Variants in KAT2B observed in about 807,000 individuals in gnomAD.
KAT2B encodes the protein histone acetyltransferase KAT2B.
In KAT2B, 36 loss-of-function variants were observed where a neutral mutation model predicts 105.9. The observed-to-expected ratio is 0.34, with a 90% CI of 0.26 to 0.45. The LOEUF is 0.45. Ranked by LOEUF, KAT2B falls within the 20% of genes least tolerant of loss-of-function variation. The pLI is 1.00. For missense variants in KAT2B, 820 were observed against 1,021.6 expected, an observed-to-expected ratio of 0.80 and a Z score of 2.69; for synonymous variants, 397 against 377.9, an observed-to-expected ratio of 1.05 and a Z score of -0.59.
At chr3:20,042,049 G>C (rs1697728785) in intron 1 of KAT2B, among the ~76,000 whole-genome samples, 1 of 152,152 alleles carries the variant, frequency 6.6e-6, no homozygotes, top group African/African-American at 2.4e-5. Context: ...ATCTAGCCCA[G>C]TGCTCCTCAA....
intron 1 of KAT2B, among the ~76,000 whole-genome samples, chr3:20,063,534 C>CTTTTTTTTTTTTTT (rs36058009): frequency 1.1e-5 from 1 of 88,822 alleles, no homozygotes; most frequent in Non-Finnish European, 2.2e-5. Flanking sequence ...GAGTAGGCCT[C>CTTTTTTTTTTTTTT]TTTTTTTTTT....
chr3:20,086,514 T>A (rs1161571256), intron 2 of KAT2B, among the ~76,000 whole-genome samples: 1 of 152,070 alleles, frequency 6.6e-6, no homozygotes, highest in Non-Finnish European at 1.5e-5. Flanking sequence ...GGTCAGAGGA[T>A]CGCTTAAGCT....
Position 20,153,876 on chromosome 3 carries a change from T to C in KAT2B, c.*1351T>C, listed in dbSNP as rs1358442614. On this transcript the variant is annotated 3_prime_UTR_variant, in exon 18 of 18. Coordinates refer to ENST00000263754, the MANE Select transcript of KAT2B (RefSeq NM_003884.5). ...TAAATAAAATGGTCATGAATAGTCATTAAAAACAGTTGCCAGTGATAATCT... is the reference window on the plus strand; with the variant it reads ...TAAATAAAATGGTCATGAATAGTCACTAAAAACAGTTGCCAGTGATAATCT... 6.6e-6 allele frequency: 1 copy of C among 152,432 alleles called. No homozygotes were observed. Among genetic ancestry groups the C allele is most frequent in the African/African-American group, 2.4e-5 (1 of 41,460 alleles). The allele number at this position is 152,432 out of a possible 1,614,324, so 9.4% of individuals were successfully genotyped here.
intron 1 of KAT2B, among the ~76,000 whole-genome samples, chr3:20,060,060 C>T (rs1175238376): frequency 3.3e-5 from 5 of 152,222 alleles, no homozygotes; most frequent in Admixed American, 1.3e-4. Flanking sequence ...CATATGTCAG[C>T]ACTTCTTTAT....
At chr3:20,144,370 GCTCTGC>G (rs1412795400) in intron 13 of KAT2B, among the ~76,000 whole-genome samples, 1 of 138,330 alleles carries the variant, frequency 7.2e-6, no homozygotes, top group Non-Finnish European at 1.5e-5. Flanking sequence ...CTCACTGCAA[GCTCTGC>G]CTCCTGGGTT....
chr3:20,126,171 G>A, intron 10 of KAT2B, 58 bp downstream of exon 10: 2 of 1,412,100 alleles, frequency 1.4e-6, no homozygotes, highest in Non-Finnish European at 2.0e-6. Flanking sequence ...AAGAGGAACT[G>A]CTTAGATAGT....
chr3:20,128,351 T>A (rs571495040), intron 11 of KAT2B, among the ~76,000 whole-genome samples: 127 of 152,296 alleles, frequency 8.3e-4, no homozygotes, highest in African/African-American at 3.0e-3. Flanking sequence ...TATGACCTTG[T>A]CCCTAAGGGA....
intron 7 of KAT2B, among the ~76,000 whole-genome samples, chr3:20,117,475 C>T (rs968018542): frequency 6.6e-6 from 1 of 152,176 alleles, no homozygotes; most frequent in African/African-American, 2.4e-5. Flanking sequence ...ATCACCAGAG[C>T]TTTCTCTTTG....
intron 1 of KAT2B, among the ~76,000 whole-genome samples, chr3:20,054,455 T>C (rs139679499): frequency 1.3e-5 from 2 of 152,294 alleles, no homozygotes; most frequent in East Asian, 3.9e-4. Flanking sequence ...GTGTGAATAA[T>C]GTCTCTAATG....
intron 11 of KAT2B, among the ~76,000 whole-genome samples, chr3:20,127,887 A>G (rs949172451): frequency 1.3e-5 from 2 of 152,214 alleles, no homozygotes; most frequent in Non-Finnish European, 2.9e-5. Flanking sequence ...TTGCACTCCT[A>G]TGAGAGTCTA....
rs1364048847 is a variant in KAT2B, at chr3:20,072,195, C to T, written c.304-138C>T. The T allele has an allele frequency of 4.7e-6, 4 of 843,232 alleles. No homozygotes were observed. The African/African-American group carries it at 5.1e-5, about 11-fold the overall frequency. The allele number at this position is 843,232 out of a possible 1,614,324, so 52.2% of individuals were successfully genotyped here. A position where few individuals can be genotyped will look rare whatever the true frequency, so the allele number is the denominator to read the frequency against. On this transcript the variant is annotated intron_variant, in intron 1 of 17. Transcript: ENST00000263754. ...CCACCTTTGGGTTTTCTGTTTTTCT[C>T]TTGTGTATATGGCAGACGACAAAGT... is the stretch of plus-strand genomic sequence containing the variant.
At chr3:20,100,391 G>A (rs866829956) in intron 4 of KAT2B, among the ~76,000 whole-genome samples, 3 of 152,162 alleles carry the variant, frequency 2.0e-5, no homozygotes, top group African/African-American at 4.8e-5. Flanking sequence ...ATGAGATTTT[G>A]TACCCAGAAA....
At chr3:20,135,504 A>C (rs1699585359) in intron 11 of KAT2B, among the ~76,000 whole-genome samples, 1 of 152,124 alleles carries the variant, frequency 6.6e-6, no homozygotes, top group Admixed American at 6.6e-5. Context: ...AATACAAAAA[A>C]TTAGCCAGGT....
At chr3:20,052,537 A>G (rs1697932732) in intron 1 of KAT2B, among the ~76,000 whole-genome samples, 2 of 152,150 alleles carry the variant, frequency 1.3e-5, no homozygotes, top group African/African-American at 4.8e-5. Context: ...AGATTGGTGG[A>G]AAGGAAACTG....
At chr3:20,086,376 A>G (rs1240923262) in intron 2 of KAT2B, among the ~76,000 whole-genome samples, 2 of 152,170 alleles carry the variant, frequency 1.3e-5, no homozygotes, top group African/African-American at 4.8e-5. Context: ...AGACGGGAGG[A>G]TCACTTGAGC....
intron 5 of KAT2B, among the ~76,000 whole-genome samples, chr3:20,102,706 A>G (rs1018242827): frequency 6.6e-6 from 1 of 152,210 alleles, no homozygotes; most frequent in African/African-American, 2.4e-5. Context: ...ACCTACATTT[A>G]TTTTCATCTG....
chr3:20,111,226 G>A (rs1231406034), intron 5 of KAT2B, among the ~76,000 whole-genome samples: 3 of 152,172 alleles, frequency 2.0e-5, no homozygotes, highest in Admixed American at 6.6e-5. Flanking sequence ...ACCCAATGAA[G>A]TAGGTATTAT....
chr3:20,118,073 A>G (rs146498981), intron 7 of KAT2B, among the ~76,000 whole-genome samples: 1 of 150,778 alleles, frequency 6.6e-6, no homozygotes, highest in African/African-American at 2.4e-5. Context: ...CCCTTTCTCT[A>G]TCCCTTCTTT....
chr3:20,127,572 A>C (rs1364855095), intron 11 of KAT2B, 23 bp downstream of exon 11: 2 of 1,610,052 alleles, frequency 1.2e-6, no homozygotes, highest in Non-Finnish European at 1.7e-6. Flanking sequence ...CCAAGGTCTT[A>C]GAAGAAGAGC....
Sources: allele counts gnomAD v4.1 joint callset (sites outside exome capture counted in the v4.1 genomes callset), GRCh38; gene constraint gnomAD v4.1.1; transcripts MANE v1.5; gene names NCBI Gene and HGNC (gene_info 2026-07-23, HGNC 2026-07-21).